EDIL3: variants seen among roughly 807,000 people sequenced by gnomAD.
EDIL3 encodes EGF-like repeat and discoidin I-like domain-containing protein 3.
Under a neutral mutation model 67.4 loss-of-function variants are expected in EDIL3, and 37 were observed. The ratio of observed to expected loss-of-function variants is 0.55; its 90% CI spans 0.42 to 0.72. The LOEUF (loss-of-function observed/expected upper bound fraction) is 0.72. Among genes scored for constraint, EDIL3 ranks in the 30% least tolerant of loss-of-function variants. The probability of loss-of-function intolerance (pLI) is 0.00; values close to 1 mark genes in which losing one functional copy is unlikely to be tolerated. For missense variants in EDIL3, 527 were observed against 586.3 expected (o/e 0.90, Z 1.04); for synonymous variants, 195 against 196.3 (o/e 0.99, Z 0.05).
At chr5:84,060,983 G>A (rs1041509086) in intron 8 of EDIL3, among the ~76,000 whole-genome samples, 1 of 152,026 alleles carries the variant, frequency 6.6e-6, no homozygotes, top group Admixed American at 6.6e-5. Context: ...AAACCGGACA[G>A]CATTTTGTTT....
intron 1 of EDIL3, among the ~76,000 whole-genome samples, chr5:84,356,889 CTTT>C (rs1189590387): frequency 3.1e-4 from 10 of 32,096 alleles, no homozygotes; most frequent in African/African-American, 7.6e-4. Context: ...ATCTTTCTTT[CTTT>C]TTTTTTTTTT....
chr5:84,269,321 T>G (rs775108905), intron 1 of EDIL3, among the ~76,000 whole-genome samples: 2 of 152,176 alleles, frequency 1.3e-5, no homozygotes, highest in Non-Finnish European at 2.9e-5. Flanking sequence ...AATTTTTTCC[T>G]TTTACAAAGT....
At chr5:84,346,590 T>A (rs1747245050) in intron 1 of EDIL3, among the ~76,000 whole-genome samples, 1 of 152,204 alleles carries the variant, frequency 6.6e-6, no homozygotes, top group African/African-American at 2.4e-5. Context: ...TTGACTTTCA[T>A]TCCTTTTTTT....
intron 9 of EDIL3, among the ~76,000 whole-genome samples, chr5:83,971,478 G>A (rs1220734835): frequency 6.6e-6 from 1 of 151,556 alleles, no homozygotes; most frequent in Admixed American, 6.6e-5. Context: ...ATTTTGTCCA[G>A]GTTGGTGTTG....
intron 9 of EDIL3, among the ~76,000 whole-genome samples, chr5:83,964,257 A>C (rs898389109): frequency 6.6e-6 from 1 of 151,912 alleles, no homozygotes; most frequent in Non-Finnish European, 1.5e-5. Context: ...ATTTTTTAAA[A>C]ATCTAGAATA....
rs1580244387 is a variant in EDIL3 at position 83,943,201 on chromosome 5, A to G, written c.*218T>C. 5.6e-6 allele frequency: 3 copies of G among 537,134 alleles called. No individual in the cohort carries two copies. In the South Asian group the frequency reaches 6.7e-5, roughly 12 times the overall value. 33.3% of individuals were successfully genotyped at this position (537,134 alleles called of 1,614,324 possible). On this transcript the variant is annotated 3_prime_UTR_variant, in exon 11 of 11. Transcript: ENST00000296591. ...AGTAATTCACACTTAATGTGTTGTTACTTAAGAGATTTGACGGATAAAATA... is the reference window on the plus strand; with the variant it reads ...AGTAATTCACACTTAATGTGTTGTTGCTTAAGAGATTTGACGGATAAAATA...
chr5:84,373,735 TTAGAG>T (rs1465312473), intron 1 of EDIL3, among the ~76,000 whole-genome samples: 20 of 150,840 alleles, frequency 1.3e-4, no homozygotes, highest in African/African-American at 4.9e-4. Flanking sequence ...GGATTAGAAA[TTAGAG>T]TAGTGACCAA....
intron 2 of EDIL3, among the ~76,000 whole-genome samples, chr5:84,231,632 C>T (rs779115614): frequency 1.3e-5 from 2 of 152,188 alleles, no homozygotes; most frequent in Non-Finnish European, 2.9e-5. Context: ...GTTTTCTTCT[C>T]ACACTGTTTG....
chr5:84,006,608 A>C (rs1185443606), intron 9 of EDIL3, among the ~76,000 whole-genome samples: 3 of 152,166 alleles, frequency 2.0e-5, no homozygotes, highest in Non-Finnish European at 2.9e-5. Context: ...GATTTAAAAA[A>C]GTACTTAACA....
At chr5:84,010,747 G>A (rs1204943058) in intron 9 of EDIL3, among the ~76,000 whole-genome samples, 1 of 152,034 alleles carries the variant, frequency 6.6e-6, no homozygotes, top group East Asian at 1.9e-4. Context: ...AATAAATCTG[G>A]GATCTGCTAG....
intron 1 of EDIL3, among the ~76,000 whole-genome samples, chr5:84,328,280 A>T (rs950486539): frequency 3.9e-5 from 6 of 152,148 alleles, no homozygotes; most frequent in Non-Finnish European, 7.4e-5. Flanking sequence ...GATGGAATCA[A>T]TCTATGTGCA....
chr5:84,344,016 C>T (rs1725093716), intron 1 of EDIL3, among the ~76,000 whole-genome samples: 1 of 151,928 alleles, frequency 6.6e-6, no homozygotes, highest in African/African-American at 2.4e-5. Context: ...GAGAAATGTT[C>T]CCTCAATAGA....
At chr5:84,261,955 A>G (rs1442647601) in intron 1 of EDIL3, among the ~76,000 whole-genome samples, 3 of 152,192 alleles carry the variant, frequency 2.0e-5, no homozygotes, top group Non-Finnish European at 2.9e-5. Flanking sequence ...AGTGTTGACT[A>G]TTTGAATTTC....
chr5:84,057,122 C>A (rs1746462222), intron 9 of EDIL3, among the ~76,000 whole-genome samples: 1 of 151,928 alleles, frequency 6.6e-6, no homozygotes, highest in South Asian at 2.1e-4. Flanking sequence ...TGTTTTGATA[C>A]AACAAAAATT....
intron 3 of EDIL3, among the ~76,000 whole-genome samples, chr5:84,187,402 A>G (rs1048626285): frequency 6.6e-6 from 1 of 152,088 alleles, no homozygotes; most frequent in African/African-American, 2.4e-5. Context: ...TATAGTACAC[A>G]AGCAGATTAT....
chr5:83,986,152 T>TTAACAAAC, intron 9 of EDIL3, among the ~76,000 whole-genome samples: 1 of 152,246 alleles, frequency 6.6e-6, no homozygotes, highest in African/African-American at 2.4e-5. Context: ...AAGGATATAA[T>TTAACAAAC]TAACAAACCA....
intron 1 of EDIL3, among the ~76,000 whole-genome samples, chr5:84,282,544 T>G (rs888422512): frequency 4.2e-4 from 64 of 152,222 alleles, no homozygotes; most frequent in African/African-American, 1.4e-3. Context: ...TTGAAGTTTT[T>G]CCTGTTTTTT....
rs546509216 is a variant in EDIL3, at chr5:83,988,269, A to G, written c.1138-24909T>C. 3.6e-3 allele frequency among the ~76,000 whole-genome samples: 551 copies of G among 152,286 alleles called. 3 individuals are homozygous for G. The highest frequency in any genetic ancestry group is 6.1e-3 in the Non-Finnish European group (413 of 68,018). On this transcript the variant is annotated intron_variant, in intron 9 of 10. Transcript: ENST00000296591. ...ACAATAATGCATAATTACAAAATCT[A>G]CTGACACATAAAAGAAAACTAATCA...
At chr5:84,104,948 G>A (rs141258724) in intron 6 of EDIL3, among the ~76,000 whole-genome samples, 454 of 152,084 alleles carry the variant, frequency 3.0e-3, no homozygotes, top group Non-Finnish European at 3.8e-3. Context: ...TGAAGCTCAC[G>A]AACATAATTT....
Sources: gnomAD v4.1 joint callset for allele counts (sites outside exome capture counted in the v4.1 genomes callset) on GRCh38, gnomAD v4.1.1 for gene constraint, MANE v1.5 for transcripts, NCBI Gene and HGNC (gene_info 2026-07-23, HGNC 2026-07-21) for gene names.